SLC2A1: variants seen among roughly 807,000 people sequenced by gnomAD.
The protein encoded by SLC2A1 is solute carrier family 2 member 1, also known as solute carrier family 2, facilitated glucose transporter member 1.
Under a neutral mutation model 46.6 loss-of-function variants are expected in SLC2A1, and 4 were observed. The ratio of observed to expected loss-of-function variants is 0.09; its 90% CI spans 0.04 to 0.20. SLC2A1 has a LOEUF of 0.20. Ranked by LOEUF, SLC2A1 falls within the 10% of genes least tolerant of loss-of-function variation. The probability of loss-of-function intolerance (pLI) is 1.00; values close to 1 mark genes in which losing one functional copy is unlikely to be tolerated. For missense variants in SLC2A1, 352 were observed against 667.0 expected, an observed-to-expected ratio of 0.53 and a Z score of 5.20; for synonymous variants, 253 against 270.0, an observed-to-expected ratio of 0.94 and a Z score of 0.62.
In SLC2A1 at chr1:42,930,492, G is replaced by C; in HGVS notation, c.516+134C>G. On this transcript the variant is annotated intron_variant, in intron 4 of 9. Coordinates refer to ENST00000426263, the MANE Select transcript of SLC2A1 (RefSeq NM_006516.4). The surrounding 1 kb of genome is among the most constrained non-coding windows in gnomAD (Gnocchi z 6.2). Reference sequence around the variant, plus strand: ...ATGGTGCTGTGTTCTCTGGACCTGTGTACCATAGTTGTCCTCTGCAAGGCT... The same window carrying C: ...ATGGTGCTGTGTTCTCTGGACCTGTCTACCATAGTTGTCCTCTGCAAGGCT... 8.3e-7 allele frequency: 1 copy of C among 1,211,398 alleles called. No individual in the cohort carries two copies. The highest frequency in any genetic ancestry group is 1.2e-6 in the Non-Finnish European group (1 of 836,490). The allele number at this position is 1,211,398 out of a possible 1,614,324, so 75.0% of individuals were successfully genotyped here. A position where few individuals can be genotyped will look rare whatever the true frequency, so the allele number is the denominator to read the frequency against.
chr1:42,958,676 G>C lies in SLC2A1; in HGVS notation c.-25C>G. 1.3e-6 allele frequency: 2 copies of C among 1,534,756 alleles called. No individual in the cohort carries two copies. The highest frequency in any genetic ancestry group is 1.2e-5 in the South Asian group (1 of 83,580). ...TGGCAGCGCTGCGCTGGTGGCTCTG[G>C]CTGCGCCGGGTACGCGGGTGGCGAC... On this transcript the variant is annotated 5_prime_UTR_variant, in exon 1 of 10. Coordinates refer to ENST00000426263, the MANE Select transcript of SLC2A1 (RefSeq NM_006516.4).
chr1:42,951,179 A>G (rs1643716160), intron 1 of SLC2A1, among the ~76,000 whole-genome samples: 1 of 152,218 alleles, frequency 6.6e-6, no homozygotes, highest in South Asian at 2.1e-4. Flanking sequence ...CAGAAAATAA[A>G]TACATGTAAT....
At chr1:42,941,091 A>C (rs944909440) in intron 2 of SLC2A1, among the ~76,000 whole-genome samples, 2 of 152,176 alleles carry the variant, frequency 1.3e-5, no homozygotes, top group African/African-American at 4.8e-5. Context: ...TTATGTCACT[A>C]GTCCAACGGC....
Position 42,930,933 on chromosome 1 carries a change from G to T in SLC2A1, c.276-67C>A. 6.2e-7 allele frequency: 1 copy of T among 1,605,912 alleles called. No homozygotes were observed. ...TGGGCTCCGAGGGGCTGGGTCAGAG[G>T]TAATACCCTGGAACAGGCAGATAAG... On this transcript the variant is annotated intron_variant, in intron 3 of 9. Transcript: ENST00000426263. The surrounding 1 kb of genome is among the most constrained non-coding windows in gnomAD (Gnocchi z 6.2).
chr1:42,929,022 C>T lies in SLC2A1; in HGVS notation c.984G>A (p.Val328=). 2 of 1,613,354 alleles carry T rather than the reference C, an allele frequency of 1.2e-6. No homozygotes were observed. Among genetic ancestry groups the T allele is most frequent in the Non-Finnish European group, 1.7e-6 (2 of 1,180,016 alleles). Residue 328 remains valine (V), a synonymous_variant, in exon 8 of 10, where the codon GTG becomes GTA. Transcript: ENST00000426263. The surrounding 1 kb of genome is among the most constrained non-coding windows in gnomAD (Gnocchi z 6.0). The stretch of plus-strand genomic sequence containing the variant: ...GCAGGGTCCGCCGGCCTGCTCGCTC[C>T]ACCACAAACAGCTGTGGGCAGAGAC... ...TAFTVVSLFV[V]ERAGRRTLHL... is the part of the protein sequence containing the mutation.
At chr1:42,935,286 C>T (rs1412407464) in intron 2 of SLC2A1, among the ~76,000 whole-genome samples, 1 of 152,128 alleles carries the variant, frequency 6.6e-6, no homozygotes, top group African/African-American at 2.4e-5. Flanking sequence ...TTCTGGTACG[C>T]GAAGCTATTC....
chr1:42,946,380 G>A (rs76657494), intron 1 of SLC2A1, among the ~76,000 whole-genome samples: 3,041 of 152,316 alleles, frequency 0.02, 46 homozygotes, highest in Non-Finnish European at 0.029. Context: ...GGCCCCGGAT[G>A]AAACTGGACC....
In SLC2A1 at chr1:42,927,344, G is replaced by A; in HGVS notation, c.1279-103C>T. 2 of 1,082,390 alleles carry A rather than the reference G, an allele frequency of 1.8e-6. No homozygotes were observed. The highest frequency in any genetic ancestry group is 1.3e-5 in the South Asian group (1 of 76,552). The allele number at this position is 1,082,390 out of a possible 1,614,324, so 67.0% of individuals were successfully genotyped here. On this transcript the variant is annotated intron_variant, in intron 9 of 9. Transcript: ENST00000426263. This position sits in a 1 kb window ranked among gnomAD's most constrained non-coding sequence, Gnocchi z 5.3. The stretch of plus-strand genomic sequence containing the variant: ...CCTTTGGGCCTTTGAGCTGAAAAGG[G>A]AACATCCACCTACCCAGGGATGCTA...
chr1:42,941,720 C>T (rs988491956), intron 2 of SLC2A1, among the ~76,000 whole-genome samples: 2 of 152,212 alleles, frequency 1.3e-5, no homozygotes, highest in African/African-American at 4.8e-5. Flanking sequence ...GAGAGCTCAA[C>T]CTCCCTCTGT....
chr1:42,928,888 C>A (rs761855745), intron 8 of SLC2A1, 44 bp downstream of exon 8: 1 of 1,559,922 alleles, frequency 6.4e-7, no homozygotes. Context: ...GAAGCCCAGG[C>A]AAACTCTCCC....
At position 42,930,889 on chromosome 1, in the gene SLC2A1, G is replaced by A; in HGVS notation, c.276-23C>T. 1 of 1,602,120 alleles carries A rather than the reference G, an allele frequency of 6.2e-7. No homozygotes were observed. Among genetic ancestry groups the A allele is most frequent in the Non-Finnish European group, 8.5e-7 (1 of 1,179,942 alleles). On this transcript the variant is annotated intron_variant, in intron 3 of 9. Coordinates refer to ENST00000426263, the MANE Select transcript of SLC2A1 (RefSeq NM_006516.4). The surrounding 1 kb of genome is among the most constrained non-coding windows in gnomAD (Gnocchi z 6.2). ...CGCCTGGGGACGGGGTCACAGGTCA[G>A]GCCAGTGCCCACATTCCTTGGGCTC...
chr1:42,928,948 A>G lies in SLC2A1; in HGVS notation c.1058T>C (p.Ile353Thr), dbSNP rs992419688. The change falls in exon 8 of 10, where the codon ATC becomes ACC. Residue 353 changes from isoleucine to threonine, a missense_variant. By Grantham distance (89) the Ile-to-Thr change is moderately conservative (BLOSUM62 -1). This residue lies in a region of SLC2A1 where 167 missense variants were observed against 280.8 expected (regional missense o/e 0.59). Coordinates refer to ENST00000426263, the MANE Select transcript of SLC2A1 (RefSeq NM_006516.4). The stretch of plus-strand genomic sequence containing the variant: ...GCAACTCACCAGCAGTGCTAGCGCG[A>G]TGGTCATGAGTATGGCACAACCCGC... ...GMAGCAILMT[I>T]ALALLEQLPW... 5 of 1,613,930 alleles carry G rather than the reference A, an allele frequency of 3.1e-6. No homozygotes were observed. The highest frequency in any genetic ancestry group is 4.2e-6 in the Non-Finnish European group (5 of 1,179,946).
Position 42,927,833 on chromosome 1 carries a change from A to G in SLC2A1, c.1075-25T>C. 6.4e-7 allele frequency: 1 copy of G among 1,571,738 alleles called. No homozygotes were observed. ...CCTGTTGAGGATGACGGAGAGGGGG[A>G]AAAGTTAGACTGGGTTGTGATGGAT... On this transcript the variant is annotated intron_variant, in intron 8 of 9. Transcript: ENST00000426263. The surrounding 1 kb of genome is among the most constrained non-coding windows in gnomAD (Gnocchi z 5.3).
intron 2 of SLC2A1, among the ~76,000 whole-genome samples, chr1:42,935,568 A>G (rs1398532268): frequency 2.0e-5 from 3 of 152,222 alleles, no homozygotes; most frequent in African/African-American, 7.2e-5. Flanking sequence ...AAGGTTTTCC[A>G]TTTTGAAATT....
Position 42,934,979 on chromosome 1 carries a change from G to A in SLC2A1, c.115-3773C>T, listed in dbSNP as rs531002657. The stretch of plus-strand genomic sequence containing the variant: ...GTGAACCACCCCTCAGAATGCAGTC[G>A]GAGTCCTGCACACCAAATGTGCCAG... On this transcript the variant is annotated intron_variant, in intron 2 of 9. Coordinates refer to ENST00000426263, the MANE Select transcript of SLC2A1 (RefSeq NM_006516.4). 9.9e-4 allele frequency among the ~76,000 whole-genome samples: 150 copies of A among 152,208 alleles called. 1 individual carries two copies. Among genetic ancestry groups the A allele is most frequent in the African/African-American group, 3.4e-3 (141 of 41,516 alleles).
At chr1:42,947,606 A>C (rs1770806) in intron 1 of SLC2A1, among the ~76,000 whole-genome samples, 9 of 143,872 alleles carry the variant, frequency 6.3e-5, no homozygotes, top group African/African-American at 2.1e-4. Context: ...AAAAAAAAAA[A>C]CAGCTGGATA....
At position 42,927,715 on chromosome 1, in the gene SLC2A1, T is replaced by C; in HGVS notation, c.1168A>G (p.Ile390Val). The C allele has an allele frequency of 3.1e-6, 5 of 1,614,130 alleles. No individual in the cohort carries two copies. The highest frequency in any genetic ancestry group is 4.2e-6 in the Non-Finnish European group (5 of 1,179,996). The change falls in exon 9 of 10, where the codon ATC (isoleucine) becomes GTC (valine). Residue 390 changes from isoleucine to valine, a missense_variant. Transcript: ENST00000426263. This position sits in a 1 kb window ranked among gnomAD's most constrained non-coding sequence, Gnocchi z 5.3. ...EVGPGPIPWF[I>V]VAELFSQGPR... The stretch of plus-strand genomic sequence containing the variant: ...CCCTGGCTGAAGAGTTCAGCCACGA[T>C]GAACCATGGGATGGGGCCAGGACCC...
At position 42,929,186 on chromosome 1, in the gene SLC2A1, G is replaced by A; in HGVS notation, c.972+24C>T. 1 of 1,603,084 alleles carries A rather than the reference G, an allele frequency of 6.2e-7. No homozygotes were observed. Among genetic ancestry groups the A allele is most frequent in the Non-Finnish European group, 8.5e-7 (1 of 1,170,088 alleles). ...TGCCTCCTCCCTGGGGTTTGGCTGG[G>A]GGGGCCAGTAAGCAAAGACTCACCG... On this transcript the variant is annotated intron_variant, in intron 7 of 9. Coordinates refer to ENST00000426263, the MANE Select transcript of SLC2A1 (RefSeq NM_006516.4). This position sits in a 1 kb window ranked among gnomAD's most constrained non-coding sequence, Gnocchi z 6.0.
intron 1 of SLC2A1, among the ~76,000 whole-genome samples, chr1:42,947,877 T>C (rs1391062718): frequency 6.6e-6 from 1 of 152,106 alleles, no homozygotes; most frequent in Non-Finnish European, 1.5e-5. Flanking sequence ...CCAGTGTTCA[T>C]CCTTAGCCAT....
Sources: allele counts gnomAD v4.1 joint callset (sites outside exome capture counted in the v4.1 genomes callset), GRCh38; gene constraint gnomAD v4.1.1; regional missense constraint gnomAD v4.1.1; non-coding constraint Gnocchi (gnomAD v3.1); transcripts MANE v1.5; gene names NCBI Gene and HGNC (gene_info 2026-07-23, HGNC 2026-07-21).